PLCL1: variants seen among roughly 807,000 people sequenced by gnomAD.
PLCL1 encodes the protein inactive phospholipase C-like protein 1.
A neutral mutation model predicts 84.4 loss-of-function variants in PLCL1; 41 were observed. That is an observed-to-expected ratio of 0.49 (90% confidence interval 0.38 to 0.63). The LOEUF (loss-of-function observed/expected upper bound fraction) is 0.63. PLCL1 is among the 30% of genes least tolerant of loss of function. PLCL1 has a pLI of 0.00. For synonymous variants in PLCL1, 490 were observed against 488.3 expected (o/e 1.00, Z -0.05); for missense variants, 1,206 against 1,367.8 (o/e 0.88, Z 1.87).
At chr2:197,957,269 T>C (rs556931190) in intron 1 of PLCL1, among the ~76,000 whole-genome samples, 1 of 152,084 alleles carries the variant, frequency 6.6e-6, no homozygotes, top group Non-Finnish European at 1.5e-5. Flanking sequence ...TGTGTGTAAG[T>C]TCTTTATGTT....
At chr2:197,818,704 T>C (rs745422987) in intron 1 of PLCL1, among the ~76,000 whole-genome samples, 4 of 152,068 alleles carry the variant, frequency 2.6e-5, no homozygotes, top group Non-Finnish European at 5.9e-5. Flanking sequence ...GGACTGGTAA[T>C]GGTGGCGGCA....
intron 1 of PLCL1, among the ~76,000 whole-genome samples, chr2:197,897,627 A>G (rs930909809): frequency 6.6e-6 from 1 of 152,238 alleles, no homozygotes; most frequent in Non-Finnish European, 1.5e-5. Flanking sequence ...TTATTTGTTA[A>G]TGAACATTTT....
intron 1 of PLCL1, among the ~76,000 whole-genome samples, chr2:197,868,176 C>G (rs1293534495): frequency 6.6e-6 from 1 of 152,180 alleles, no homozygotes; most frequent in Non-Finnish European, 1.5e-5. Context: ...GCAAACTCTG[C>G]ATATGCTTGC....
intron 1 of PLCL1, among the ~76,000 whole-genome samples, chr2:197,988,453 A>G (rs1484019229): frequency 6.6e-6 from 1 of 152,166 alleles, no homozygotes; most frequent in Admixed American, 6.6e-5. Context: ...GCTCCCACCT[A>G]TAAGTGAGAA....
intron 1 of PLCL1, among the ~76,000 whole-genome samples, chr2:198,041,150 C>T (rs892513): frequency 0.21 from 32,663 of 152,096 alleles, 3,651 homozygotes; most frequent in African/African-American, 0.28. Context: ...TGTTTTCTGC[C>T]TAACATTGCA....
chr2:197,871,722 C>CA (rs1180043664), intron 1 of PLCL1, among the ~76,000 whole-genome samples: 2 of 152,042 alleles, frequency 1.3e-5, no homozygotes. Context: ...ACAAAAATAA[C>CA]AAAATACCAC....
chr2:198,084,347 A>T lies in PLCL1; in HGVS notation c.830A>T (p.Glu277Val). ...LIKQLNPTLK[E>V]AKIRLKFKEI... is the part of the protein sequence containing the mutation. ...AAACAACTCAACCCTACTCTGAAGG[A>T]AGCCAAGATCAGGTTAAAGTTTAAA... The change falls in exon 2 of 6, where the codon GAA (glutamate) becomes GTA (valine). Residue 277 changes from glutamate to valine, a missense_variant. By Grantham distance (121) the Glu-to-Val change is moderately radical. Transcript: ENST00000428675. 1 of 1,614,116 alleles carries T rather than the reference A, an allele frequency of 6.2e-7. No individual in the cohort carries two copies. Among genetic ancestry groups the T allele is most frequent in the Non-Finnish European group, 8.5e-7 (1 of 1,179,952 alleles).
chr2:197,857,628 A>G (rs1687354758), intron 1 of PLCL1, among the ~76,000 whole-genome samples: 1 of 152,168 alleles, frequency 6.6e-6, no homozygotes, highest in African/African-American at 2.4e-5. Flanking sequence ...CTAGTTTTCT[A>G]GTGAAGGTCA....
chr2:197,922,898 G>A (rs7573701), intron 1 of PLCL1, among the ~76,000 whole-genome samples: 11 of 131,706 alleles, frequency 8.4e-5, no homozygotes, highest in Admixed American at 3.7e-4. Flanking sequence ...CTGGCCGGGC[G>A]GGGGGCTGAC....
chr2:197,841,681 G>A (rs1045692767), intron 1 of PLCL1, among the ~76,000 whole-genome samples: 5 of 152,202 alleles, frequency 3.3e-5, no homozygotes, highest in South Asian at 2.1e-4. Flanking sequence ...AAACATTTGT[G>A]TGTAGGCTTC....
At chr2:197,809,928 T>C (rs892506682) in intron 1 of PLCL1, among the ~76,000 whole-genome samples, 3 of 152,136 alleles carry the variant, frequency 2.0e-5, no homozygotes, top group Admixed American at 6.6e-5. Context: ...TATAGGCGTT[T>C]GTAGATTGAC....
intron 1 of PLCL1, among the ~76,000 whole-genome samples, chr2:197,953,223 A>G (rs1689422315): frequency 6.6e-6 from 1 of 152,088 alleles, no homozygotes; most frequent in South Asian, 2.1e-4. Context: ...TCTTTTGTCT[A>G]TATAATTTCC....
intron 5 of PLCL1, among the ~76,000 whole-genome samples, chr2:198,117,185 C>T (rs975326352): frequency 6.6e-6 from 1 of 151,826 alleles, no homozygotes; most frequent in African/African-American, 2.4e-5. Context: ...AAGTTGAGCT[C>T]CTTTTCTTAA....
chr2:197,888,268 T>G lies in PLCL1; in HGVS notation c.240+82929T>G, dbSNP rs538008346. 3.4e-4 allele frequency among the ~76,000 whole-genome samples: 52 copies of G among 152,302 alleles called. 2 individuals are homozygous for G. Among genetic ancestry groups the G allele is most frequent in the Admixed American group, 3.4e-3 (52 of 15,292 alleles). ...TCTTTTTCTTTTCTTTTTTTTAATT[T>G]GTAAAGATTCCTCATATGTTAAAGA... On this transcript the variant is annotated intron_variant, in intron 1 of 5. Transcript: ENST00000428675.
Position 197,866,193 on chromosome 2 carries a change from CTATA to C in PLCL1, c.240+60867_240+60870del, listed in dbSNP as rs202235452. Among the ~76,000 whole-genome samples the C allele has an allele frequency of 2.6e-4, 21 of 81,936 alleles. 1 individual carries two copies. The South Asian group carries it at 4.1e-3, about 16-fold the overall frequency. The allele number at this position is 81,936 out of a possible 152,430, so 53.8% of individuals were successfully genotyped here. On this transcript the variant is annotated intron_variant, in intron 1 of 5. Transcript: ENST00000428675. ...TATATAAACTATATATATATATAAA[CTATA>C]TATATATATATAGTTAGTTTAAGAA... is the stretch of plus-strand genomic sequence containing the variant.
intron 1 of PLCL1, among the ~76,000 whole-genome samples, chr2:197,830,271 TG>T (rs1428854298): frequency 6.6e-6 from 1 of 151,586 alleles, no homozygotes; most frequent in Non-Finnish European, 1.5e-5. Context: ...CTAGGAACCT[TG>T]AAAAAAGGTT....
At chr2:198,083,367 A>T (rs1234988272) in intron 1 of PLCL1, among the ~76,000 whole-genome samples, 2 of 152,190 alleles carry the variant, frequency 1.3e-5, no homozygotes, top group Non-Finnish European at 2.9e-5. Context: ...CTCTTTAGAA[A>T]GTTGCAGAGT....
At chr2:197,973,106 T>C (rs1689903607) in intron 1 of PLCL1, among the ~76,000 whole-genome samples, 1 of 152,196 alleles carries the variant, frequency 6.6e-6, no homozygotes, top group East Asian at 1.9e-4. Context: ...AGGTGGGAGA[T>C]CTGCTCAGGT....
chr2:198,011,976 T>C (rs1690878496), intron 1 of PLCL1, among the ~76,000 whole-genome samples: 1 of 152,122 alleles, frequency 6.6e-6, no homozygotes, highest in African/African-American at 2.4e-5. Context: ...TTTAACCCTT[T>C]TACTGTAGCC....
Sources: gnomAD v4.1 joint callset for allele counts (sites outside exome capture counted in the v4.1 genomes callset) on GRCh38, gnomAD v4.1.1 for gene constraint, MANE v1.5 for transcripts, NCBI Gene and HGNC (gene_info 2026-07-23, HGNC 2026-07-21) for gene names.